IL16: variants seen among roughly 807,000 people sequenced by gnomAD.
The protein encoded by IL16 is pro-interleukin-16.
Under a neutral mutation model 110.1 loss-of-function variants are expected in IL16, and 67 were observed. The ratio of observed to expected loss-of-function variants is 0.61; its 90% CI spans 0.50 to 0.75. The LOEUF is 0.75. Among genes scored for constraint, IL16 ranks in the 30% least tolerant of loss-of-function variants. The pLI is 0.00. For missense variants in IL16, 1,545 were observed against 1,655.0 expected (o/e 0.93, Z 1.15); for synonymous variants, 689 against 662.9 (o/e 1.04, Z -0.61).
upstream of IL16, among the ~76,000 whole-genome samples, chr15:81,193,765 T>C (rs192513087): frequency 2.4e-4 from 36 of 152,262 alleles, no homozygotes; most frequent in Non-Finnish European, 3.4e-4. Flanking sequence ...ATGTAACTTC[T>C]CTGAGTCTCA....
chr15:81,189,439 T>C (rs551839344), intron 1 of IL16, among the ~76,000 whole-genome samples: 17 of 152,044 alleles, frequency 1.1e-4, no homozygotes, highest in Non-Finnish European at 1.9e-4. Flanking sequence ...CAAGCTAATT[T>C]TTCATTTTTA....
chr15:81,212,192 A>C (rs527920998), intron 1 of IL16, among the ~76,000 whole-genome samples: 1 of 151,964 alleles, frequency 6.6e-6, no homozygotes, highest in African/African-American at 2.4e-5. Flanking sequence ...ATATTGGTCT[A>C]TTCAGAGTTT....
intron 4 of IL16, among the ~76,000 whole-genome samples, chr15:81,267,215 T>C (rs1163990986): frequency 1.3e-5 from 2 of 152,168 alleles, no homozygotes; most frequent in Non-Finnish European, 2.9e-5. Flanking sequence ...GAGGCCTACC[T>C]GGCCAGCAGG....
rs77886175 is a variant in IL16, at chr15:81,188,913, G to A, written c.40+6017G>A. On this transcript the variant is annotated intron_variant, in intron 1 of 18. Coordinates refer to the IL16 transcript ENST00000302987. Reference sequence around the variant, plus strand: ...TCTCTTACTGGTAAGGCAGACACACGGATGAGAGAACTCAGCATGGAGTGC... The same window carrying A: ...TCTCTTACTGGTAAGGCAGACACACAGATGAGAGAACTCAGCATGGAGTGC... Among the ~76,000 whole-genome samples the A allele has an allele frequency of 3.6e-3, 544 of 152,246 alleles. 4 individuals carry two copies. Among genetic ancestry groups the A allele is most frequent in the African/African-American group, 0.013 (521 of 41,532 alleles).
chr15:81,210,011 C>T (rs140810673), intron 1 of IL16, among the ~76,000 whole-genome samples: 14 of 152,272 alleles, frequency 9.2e-5, no homozygotes, highest in East Asian at 3.9e-4. Context: ...CTTATATTTA[C>T]GCCTTTAATC....
At chr15:81,283,129 C>T (rs550122650) in intron 9 of IL16, among the ~76,000 whole-genome samples, 1 of 152,298 alleles carries the variant, frequency 6.6e-6, no homozygotes, top group South Asian at 2.1e-4. Context: ...GGTGTGGGTC[C>T]TGCCAGGACC....
At chr15:81,274,860 G>A (rs757614913) in intron 6 of IL16, among the ~76,000 whole-genome samples, 1 of 152,146 alleles carries the variant, frequency 6.6e-6, no homozygotes, top group Non-Finnish European at 1.5e-5. Context: ...GGGCAATGGC[G>A]AGCCTTTGAA....
At chr15:81,231,807 A>C (rs1213596216) in intron 2 of IL16, among the ~76,000 whole-genome samples, 1 of 152,128 alleles carries the variant, frequency 6.6e-6, no homozygotes, top group African/African-American at 2.4e-5. Context: ...CTTTTTTCCT[A>C]CGTGAATATC....
At chr15:81,225,859 A>C (rs964686659) in intron 2 of IL16, 148 bp downstream of exon 2, 1 of 698,070 alleles carries the variant, frequency 1.4e-6, no homozygotes, top group Non-Finnish European at 2.3e-6. Flanking sequence ...GGCAGGGCCC[A>C]CTGGAACTGT....
At chr15:81,295,505 C>T (rs916130409) in intron 12 of IL16, 2 of 1,289,486 alleles carry the variant, frequency 1.6e-6, no homozygotes, top group African/African-American at 1.5e-5. Flanking sequence ...TGTCAACTTA[C>T]AGAGCTCCCA....
chr15:81,185,388 A>C, intron 1 of IL16, among the ~76,000 whole-genome samples: 1 of 137,930 alleles, frequency 7.3e-6, no homozygotes. Context: ...ACAGGATCTC[A>C]TCTGTCGCCC....
At chr15:81,209,062 G>C (rs543708605) in intron 1 of IL16, among the ~76,000 whole-genome samples, 1 of 152,212 alleles carries the variant, frequency 6.6e-6, no homozygotes, top group South Asian at 2.1e-4. Flanking sequence ...TAGCATGGGG[G>C]CACTAATTCT....
At chr15:81,218,618 C>T (rs1896513555) in intron 1 of IL16, among the ~76,000 whole-genome samples, 1 of 152,100 alleles carries the variant, frequency 6.6e-6, no homozygotes, top group Non-Finnish European at 1.5e-5. Context: ...TAGGAAATTA[C>T]GCAGAAAGGA....
At chr15:81,262,558 G>C (rs28453231) in intron 3 of IL16, among the ~76,000 whole-genome samples, 37,053 of 151,780 alleles carry the variant, frequency 0.24, 5,172 homozygotes, top group African/African-American at 0.38. Flanking sequence ...TTTATTTTGC[G>C]TTTTTTGTTT....
chr15:81,199,029 A>AT (rs1566990529), intron 1 of IL16, among the ~76,000 whole-genome samples: 3,731 of 100,068 alleles, frequency 0.037, 53 homozygotes, highest in Non-Finnish European at 0.051. Flanking sequence ...CAAAAAAAAA[A>AT]AATATATATA....
chr15:81,208,468 A>C (rs1209038719), intron 1 of IL16, among the ~76,000 whole-genome samples: 1 of 152,180 alleles, frequency 6.6e-6, no homozygotes, highest in Non-Finnish European at 1.5e-5. Context: ...CTGGGATTAC[A>C]GGTGCCCACC....
intron 1 of IL16, among the ~76,000 whole-genome samples, chr15:81,187,079 A>G (rs77200893): frequency 2.5e-3 from 378 of 152,306 alleles, no homozygotes; most frequent in African/African-American, 8.3e-3. Flanking sequence ...GATATAGGTG[A>G]TCTCCCTTTG....
intron 1 of IL16, among the ~76,000 whole-genome samples, chr15:81,202,031 C>A (rs1472900464): frequency 6.6e-6 from 1 of 152,118 alleles, no homozygotes; most frequent in Non-Finnish European, 1.5e-5. Context: ...AAGAATTAGC[C>A]CAAGCAAAGG....
intron 1 of IL16, among the ~76,000 whole-genome samples, chr15:81,188,064 G>T (rs1450165182): frequency 6.6e-6 from 1 of 152,154 alleles, no homozygotes. Context: ...GGCCTCACCT[G>T]AGCCCCCATG....
Sources: gnomAD v4.1 joint callset for allele counts (sites outside exome capture counted in the v4.1 genomes callset) on GRCh38, gnomAD v4.1.1 for gene constraint, MANE v1.5 for transcripts, NCBI Gene and HGNC (gene_info 2026-07-23, HGNC 2026-07-21) for gene names.